KCNIP4: variants seen among roughly 807,000 people sequenced by gnomAD.
KCNIP4 encodes potassium voltage-gated channel interacting protein 4.
Under a neutral mutation model 34.0 loss-of-function variants are expected in KCNIP4, and 12 were observed. That is an observed-to-expected ratio of 0.35 (90% CI 0.23 to 0.57). The LOEUF (loss-of-function observed/expected upper bound fraction) is 0.57. Ranked by LOEUF, KCNIP4 falls within the 20% of genes least tolerant of loss-of-function variation. The probability of loss-of-function intolerance (pLI) is 0.83; values close to 1 mark genes in which losing one functional copy is unlikely to be tolerated. For missense variants in KCNIP4, 238 were observed against 311.7 expected (o/e 0.76, Z 1.78); for synonymous variants, 124 against 102.2 (o/e 1.21, Z -1.29).
At chr4:21,352,706 T>C (rs560230031) in intron 1 of KCNIP4, among the ~76,000 whole-genome samples, 62 of 152,338 alleles carry the variant, frequency 4.1e-4, no homozygotes, top group Admixed American at 8.5e-4. Flanking sequence ...AGGGCATAGC[T>C]GAACAAAAGG....
chr4:21,064,477 C>T (rs1339407100), intron 1 of KCNIP4, among the ~76,000 whole-genome samples: 1 of 151,246 alleles, frequency 6.6e-6, no homozygotes, highest in Admixed American at 6.6e-5. Context: ...TTTTGGTAGA[C>T]CAAACTATAA....
intron 3 of KCNIP4, among the ~76,000 whole-genome samples, chr4:20,771,132 G>A (rs1755840668): frequency 6.6e-6 from 1 of 152,082 alleles, no homozygotes; most frequent in Non-Finnish European, 1.5e-5. Context: ...ATCCATGGGG[G>A]AGGGTTCTGA....
At chr4:21,006,243 T>C (rs1257912308) in intron 1 of KCNIP4, among the ~76,000 whole-genome samples, 1 of 152,126 alleles carries the variant, frequency 6.6e-6, no homozygotes, top group African/African-American at 2.4e-5. Flanking sequence ...CACTAAAGAA[T>C]AAACAAGTAG....
intron 3 of KCNIP4, among the ~76,000 whole-genome samples, chr4:20,783,475 A>G (rs193067456): frequency 1.3e-5 from 2 of 152,322 alleles, no homozygotes; most frequent in Admixed American, 1.3e-4. Context: ...CACTTCTTAC[A>G]TGGCAGCAGC....
intron 1 of KCNIP4, among the ~76,000 whole-genome samples, chr4:21,799,657 T>C (rs1459277): frequency 0.38 from 58,185 of 152,008 alleles, 12,661 homozygotes; most frequent in Non-Finnish European, 0.51. Flanking sequence ...CAGAACTGAA[T>C]AGGGATAAAG....
At chr4:21,448,063 G>A (rs143517509) in intron 1 of KCNIP4, among the ~76,000 whole-genome samples, 66 of 152,268 alleles carry the variant, frequency 4.3e-4, no homozygotes, top group Non-Finnish European at 6.0e-4. Flanking sequence ...GCTTTGGGAA[G>A]CAAGATGAGG....
chr4:20,972,201 G>A (rs751098478), intron 1 of KCNIP4, among the ~76,000 whole-genome samples: 1 of 151,942 alleles, frequency 6.6e-6, no homozygotes, highest in Non-Finnish European at 1.5e-5. Flanking sequence ...CCAAACTCCT[G>A]TTAGTGTTAT....
intron 1 of KCNIP4, among the ~76,000 whole-genome samples, chr4:21,644,142 C>T (rs1462340879): frequency 6.6e-6 from 1 of 152,068 alleles, no homozygotes; most frequent in Non-Finnish European, 1.5e-5. Flanking sequence ...CATTTCACAG[C>T]AACTCCATGA....
intron 1 of KCNIP4, among the ~76,000 whole-genome samples, chr4:21,601,209 T>G (rs1355590612): frequency 6.6e-6 from 1 of 152,090 alleles, no homozygotes; most frequent in Non-Finnish European, 1.5e-5. Flanking sequence ...TCAAACCAAA[T>G]CTGATTATGC....
chr4:20,891,904 C>G (rs1478933883), intron 1 of KCNIP4, among the ~76,000 whole-genome samples: 4 of 152,126 alleles, frequency 2.6e-5, no homozygotes, highest in African/African-American at 9.7e-5. Flanking sequence ...CATGACTACA[C>G]AAACAAACAC....
At chr4:21,093,499 G>A (rs1223483457) in intron 1 of KCNIP4, among the ~76,000 whole-genome samples, 2 of 152,118 alleles carry the variant, frequency 1.3e-5, no homozygotes, top group South Asian at 2.1e-4. Context: ...CAAGACATCA[G>A]TGTATCCAAA....
At chr4:21,626,444 A>G (rs554966271) in intron 1 of KCNIP4, among the ~76,000 whole-genome samples, 1 of 152,012 alleles carries the variant, frequency 6.6e-6, no homozygotes, top group South Asian at 2.1e-4. Context: ...ACACAGCAAG[A>G]TGGCAGCCAC....
intron 4 of KCNIP4, among the ~76,000 whole-genome samples, chr4:20,754,015 T>C (rs906154404): frequency 1.3e-5 from 2 of 152,194 alleles, no homozygotes; most frequent in African/African-American, 4.8e-5. Context: ...CCCAGGAAAC[T>C]ATGATTTTTA....
At chr4:21,570,245 T>C (rs1208456994) in intron 1 of KCNIP4, among the ~76,000 whole-genome samples, 1 of 152,116 alleles carries the variant, frequency 6.6e-6, no homozygotes, top group Non-Finnish European at 1.5e-5. Flanking sequence ...GCGGTAGGAC[T>C]TGGAACTAAT....
intron 3 of KCNIP4, among the ~76,000 whole-genome samples, chr4:20,778,803 T>C (rs1756597282): frequency 6.6e-6 from 1 of 152,152 alleles, no homozygotes; most frequent in South Asian, 2.1e-4. Context: ...CTTAGACAGC[T>C]GTTTTAGGAA....
chr4:20,919,207 A>G lies in KCNIP4; in HGVS notation c.62-36498T>C, dbSNP rs538195518. On this transcript the variant is annotated intron_variant, in intron 1 of 8. Coordinates refer to ENST00000382152, the MANE Select transcript of KCNIP4 (RefSeq NM_025221.6). ...AAGGGGTCAGGCAGACCTGAGTTTC[A>G]ATCTAGTAGACATTAGCCCTTGGAG... Among the ~76,000 whole-genome samples, 21 of 152,186 alleles carry G rather than the reference A, an allele frequency of 1.4e-4. No individual in the cohort carries two copies. The South Asian group carries it at 4.4e-3, about 32-fold the overall frequency.
chr4:20,896,344 G>T (rs527666370), intron 1 of KCNIP4, among the ~76,000 whole-genome samples: 7 of 152,276 alleles, frequency 4.6e-5, no homozygotes, highest in African/African-American at 1.7e-4. Flanking sequence ...GGTTTGAATT[G>T]TGTCTTTCAA....
At chr4:20,848,312 G>A (rs1385846486) in intron 3 of KCNIP4, among the ~76,000 whole-genome samples, 1 of 151,734 alleles carries the variant, frequency 6.6e-6, no homozygotes, top group African/African-American at 2.4e-5. Flanking sequence ...ATGGGGAAGA[G>A]CTGAAAGGAG....
chr4:20,922,521 C>CTGTG (rs1729489507), intron 1 of KCNIP4, among the ~76,000 whole-genome samples: 1 of 54,890 alleles, frequency 1.8e-5, no homozygotes, highest in Non-Finnish European at 3.8e-5. Flanking sequence ...GTGTGACTGT[C>CTGTG]TGTCTGTCTG....
Sources: allele counts gnomAD v4.1 joint callset (sites outside exome capture counted in the v4.1 genomes callset), GRCh38; gene constraint gnomAD v4.1.1; transcripts MANE v1.5; gene names NCBI Gene and HGNC (gene_info 2026-07-23, HGNC 2026-07-21).